SLC14A2: variants seen among roughly 807,000 people sequenced by gnomAD.
SLC14A2 encodes the protein solute carrier family 14 member 2.
Under a neutral mutation model 104.6 loss-of-function variants are expected in SLC14A2, and 91 were observed. The ratio of observed to expected loss-of-function variants is 0.87; its 90% CI spans 0.73 to 1.04. The LOEUF is 1.04. SLC14A2 is among the 50% of genes least tolerant of loss of function. SLC14A2 has a pLI of 0.00. For missense variants in SLC14A2, 1,189 were observed against 1,156.0 expected (o/e 1.03, Z -0.41); for synonymous variants, 476 against 466.4 (o/e 1.02, Z -0.27).
intron 1 of SLC14A2, among the ~76,000 whole-genome samples, chr18:45,366,670 C>A (rs2085668874): frequency 6.6e-6 from 1 of 152,188 alleles, no homozygotes; most frequent in Non-Finnish European, 1.5e-5. Context: ...CATACCTCTG[C>A]CCCACCAGGA....
At chr18:45,188,379 T>C in the SLC14A2 span, among the ~76,000 whole-genome samples, 1 of 152,150 alleles carries the variant, frequency 6.6e-6, no homozygotes, top group African/African-American at 2.4e-5. Context: ...CCTGATCTTG[T>C]TGATATCCTG....
intron 2 of SLC14A2, among the ~76,000 whole-genome samples, chr18:45,564,713 C>G (rs1245176851): frequency 6.6e-6 from 1 of 152,132 alleles, no homozygotes; most frequent in Non-Finnish European, 1.5e-5. Context: ...CATAAAAACA[C>G]GTGACTGTGT....
At chr18:45,574,043 TAAAC>T (rs1472056773) in intron 2 of SLC14A2, among the ~76,000 whole-genome samples, 4 of 152,252 alleles carry the variant, frequency 2.6e-5, no homozygotes, top group Non-Finnish European at 5.9e-5. Flanking sequence ...AATTAATGAA[TAAAC>T]AAAGTTTAGG....
At chr18:45,570,845 G>C (rs960306699) in intron 2 of SLC14A2, among the ~76,000 whole-genome samples, 2 of 151,922 alleles carry the variant, frequency 1.3e-5, no homozygotes, top group East Asian at 1.9e-4. Context: ...AATTTATTGT[G>C]TCTCTCTCCA....
chr18:45,168,343 C>A, the SLC14A2 span, among the ~76,000 whole-genome samples: 5 of 152,172 alleles, frequency 3.3e-5, no homozygotes, highest in Admixed American at 6.5e-5. Context: ...TGGTGAATAC[C>A]ATGTGGGCTT....
chr18:45,578,685 C>T (rs1255030027), intron 2 of SLC14A2, among the ~76,000 whole-genome samples: 4 of 152,204 alleles, frequency 2.6e-5, no homozygotes, highest in Non-Finnish European at 4.4e-5. Context: ...ATGTTATAGA[C>T]ATAGCATTGA....
At chr18:45,356,689 A>G (rs1311439623) in intron 1 of SLC14A2, among the ~76,000 whole-genome samples, 2 of 152,250 alleles carry the variant, frequency 1.3e-5, no homozygotes, top group African/African-American at 4.8e-5. Context: ...GGCCTGTATC[A>G]GAGGTGCTCA....
chr18:45,186,740 A>G, the SLC14A2 span, among the ~76,000 whole-genome samples: 4 of 152,228 alleles, frequency 2.6e-5, no homozygotes, highest in East Asian at 1.9e-4. Flanking sequence ...ATAAACTAGT[A>G]AGAATACTTA....
At chr18:45,484,095 G>T (rs2087549331) in intron 2 of SLC14A2, among the ~76,000 whole-genome samples, 2 of 152,168 alleles carry the variant, frequency 1.3e-5, no homozygotes, top group African/African-American at 4.8e-5. Context: ...AGCCAAAAGA[G>T]TTTTTGTCCA....
intron 18 of SLC14A2, among the ~76,000 whole-genome samples, chr18:45,675,061 T>G (rs2144655118): frequency 6.6e-6 from 1 of 152,238 alleles, no homozygotes; most frequent in Middle Eastern, 3.4e-3. Context: ...GCATGGCACC[T>G]CTCTCTATTC....
At chr18:45,237,118 C>T (rs1359229541) in intron 1 of SLC14A2, among the ~76,000 whole-genome samples, 2 of 152,092 alleles carry the variant, frequency 1.3e-5, no homozygotes, top group African/African-American at 2.4e-5. Flanking sequence ...ACATAGAGGA[C>T]TGTGTGGTAT....
rs2086256442 is a variant in SLC14A2 at position 45,414,760 on chromosome 18, ATATATATATAT to A, written c.-124-68472_-124-68462del. ...CACCGAGCGTAAAAAAAAAAAAAAT[ATATATATATAT>A]ATATATATATATATATATATATATA... On this transcript the variant is annotated intron_variant, in intron 1 of 20. Transcript: ENST00000586448. 2.1e-3 allele frequency among the ~76,000 whole-genome samples: 116 copies of A among 55,266 alleles called. 5 individuals carry two copies. The highest frequency in any genetic ancestry group is 5.3e-3 in the East Asian group (7 of 1,310). The allele number at this position is 55,266 out of a possible 152,430, so 36.3% of individuals were successfully genotyped here.
intron 1 of SLC14A2, among the ~76,000 whole-genome samples, chr18:45,427,007 G>A (rs1438715524): frequency 1.3e-5 from 2 of 152,058 alleles, no homozygotes; most frequent in Non-Finnish European, 2.9e-5. Flanking sequence ...TCAACATAGA[G>A]TTGGGGAAAT....
intron 1 of SLC14A2, among the ~76,000 whole-genome samples, chr18:45,347,606 G>C (rs1371015580): frequency 6.6e-6 from 1 of 152,032 alleles, no homozygotes. Flanking sequence ...CATCTCTCCT[G>C]GTGCTAATAC....
intron 1 of SLC14A2, among the ~76,000 whole-genome samples, chr18:45,416,413 G>A (rs182224306): frequency 3.3e-5 from 5 of 152,082 alleles, no homozygotes; most frequent in Non-Finnish European, 5.9e-5. Flanking sequence ...TGCACTGTAC[G>A]CTCTTTGGCT....
intron 18 of SLC14A2, among the ~76,000 whole-genome samples, chr18:45,675,703 ATATATATTTTTT>A (rs1161379333): frequency 1.5e-5 from 1 of 65,420 alleles, no homozygotes; most frequent in African/African-American, 5.6e-5. Context: ...ATATATATAT[ATATATATTTTTT>A]TTTTTTTTTT....
At chr18:45,360,292 T>A (rs2085597564) in intron 1 of SLC14A2, among the ~76,000 whole-genome samples, 1 of 152,238 alleles carries the variant, frequency 6.6e-6, no homozygotes. Context: ...AATGATGATT[T>A]TCTGGGCCTA....
intron 1 of SLC14A2, among the ~76,000 whole-genome samples, chr18:45,274,361 G>A (rs985955360): frequency 1.3e-5 from 2 of 152,168 alleles, no homozygotes; most frequent in African/African-American, 4.8e-5. Flanking sequence ...AAGCTGAAGG[G>A]TTTTTTTCTT....
intron 1 of SLC14A2, among the ~76,000 whole-genome samples, chr18:45,293,849 G>A (rs1364155606): frequency 6.6e-6 from 1 of 152,096 alleles, no homozygotes; most frequent in African/African-American, 2.4e-5. Context: ...AAAATGTATG[G>A]GGCCAAAGTA....
Sources: gnomAD v4.1 joint callset for allele counts (sites outside exome capture counted in the v4.1 genomes callset) on GRCh38, gnomAD v4.1.1 for gene constraint, MANE v1.5 for transcripts, NCBI Gene and HGNC (gene_info 2026-07-23, HGNC 2026-07-21) for gene names.